Variants in EPHA6 observed in about 807,000 individuals in gnomAD.
The protein encoded by EPHA6 is EPH receptor A6, also known as ephrin type-A receptor 6.
EPHA6 carries 50 observed loss-of-function variants against 112.0 expected under a neutral mutation model. The ratio of observed to expected loss-of-function variants is 0.45; its 90% CI spans 0.36 to 0.56. EPHA6 has a LOEUF of 0.56. Among genes scored for constraint, EPHA6 ranks in the 20% least tolerant of loss-of-function variants. The pLI is 0.00. For synonymous variants in EPHA6, 529 were observed against 490.7 expected, an observed-to-expected ratio of 1.08 and a Z score of -1.03; for missense variants, 1,280 against 1,417.4, an observed-to-expected ratio of 0.90 and a Z score of 1.56.
At chr3:97,714,491 A>G in intron 14 of EPHA6, among the ~76,000 whole-genome samples, 1 of 152,240 alleles carries the variant, frequency 6.6e-6, no homozygotes, top group East Asian at 1.9e-4. Flanking sequence ...AAGGAGGAAT[A>G]CACATGCCTC....
At chr3:97,007,010 G>A (rs1030166280) in intron 3 of EPHA6, among the ~76,000 whole-genome samples, 1 of 152,114 alleles carries the variant, frequency 6.6e-6, no homozygotes, top group African/African-American at 2.4e-5. Context: ...GCTGAGGAGT[G>A]TTTTACTTCC....
intron 5 of EPHA6, among the ~76,000 whole-genome samples, chr3:97,307,519 G>T (rs143116549): frequency 2.6e-5 from 4 of 151,598 alleles, no homozygotes; most frequent in African/African-American, 7.2e-5. Context: ...GTACTTAGCT[G>T]TCATATGAGC....
intron 3 of EPHA6, among the ~76,000 whole-genome samples, chr3:97,108,646 A>G (rs1276487369): frequency 6.6e-6 from 1 of 152,158 alleles, no homozygotes; most frequent in Admixed American, 6.6e-5. Context: ...CTACTGCTTG[A>G]GAAGATACAG....
intron 1 of EPHA6, among the ~76,000 whole-genome samples, chr3:96,828,619 G>A (rs1207886255): frequency 6.6e-6 from 1 of 152,022 alleles, no homozygotes; most frequent in Non-Finnish European, 1.5e-5. Context: ...TCAGATATTC[G>A]ACCATGGTTT....
At chr3:97,113,033 T>G (rs2047770870) in intron 3 of EPHA6, among the ~76,000 whole-genome samples, 1 of 152,150 alleles carries the variant, frequency 6.6e-6, no homozygotes, top group Admixed American at 6.6e-5. Context: ...TTTTAGTTAC[T>G]CATTTCACAG....
At chr3:97,268,237 G>A (rs559396182) in intron 5 of EPHA6, among the ~76,000 whole-genome samples, 35 of 152,204 alleles carry the variant, frequency 2.3e-4, no homozygotes, top group South Asian at 6.2e-4. Context: ...TTCTAATGAA[G>A]CAAACTTCTG....
chr3:97,623,548 T>C (rs1477865556), intron 13 of EPHA6, among the ~76,000 whole-genome samples: 1 of 151,692 alleles, frequency 6.6e-6, no homozygotes, highest in African/African-American at 2.4e-5. Flanking sequence ...CCTTCTAAGA[T>C]GGCATTTTCT....
At chr3:97,389,894 G>C (rs762509811) in intron 5 of EPHA6, among the ~76,000 whole-genome samples, 1 of 152,134 alleles carries the variant, frequency 6.6e-6, no homozygotes, top group Non-Finnish European at 1.5e-5. Flanking sequence ...TGAAGCTACT[G>C]TGAGAACATG....
intron 2 of EPHA6, among the ~76,000 whole-genome samples, chr3:96,935,008 A>T (rs988694259): frequency 2.0e-5 from 3 of 151,810 alleles, no homozygotes; most frequent in Non-Finnish European, 4.4e-5. Context: ...TAATATAAAG[A>T]TTCAAATATT....
At chr3:97,466,122 G>T (rs1379599016) in intron 7 of EPHA6, 10 of 500,114 alleles carry the variant, frequency 2.0e-5, no homozygotes, top group Non-Finnish European at 3.7e-5. Context: ...ACATGTGTTA[G>T]TCTTTCTGTA....
intron 14 of EPHA6, chr3:97,646,238 G>A (rs1490486021): frequency 6.5e-7 from 1 of 1,535,552 alleles, no homozygotes. Context: ...TCATGTGGAA[G>A]AGAAACAGAA....
chr3:97,153,771 T>A (rs1026865356), intron 3 of EPHA6, among the ~76,000 whole-genome samples: 3 of 152,190 alleles, frequency 2.0e-5, no homozygotes, highest in Non-Finnish European at 4.4e-5. Context: ...AACTTTTATA[T>A]GAAGCAATAC....
At chr3:97,232,258 T>C (rs2078550863) in intron 4 of EPHA6, among the ~76,000 whole-genome samples, 1 of 152,204 alleles carries the variant, frequency 6.6e-6, no homozygotes, top group Non-Finnish European at 1.5e-5. Context: ...AATGAGTTAA[T>C]ATTTGAAAAG....
chr3:97,560,931 A>C (rs1205286111), intron 11 of EPHA6, among the ~76,000 whole-genome samples: 2 of 151,898 alleles, frequency 1.3e-5, no homozygotes, highest in Non-Finnish European at 2.9e-5. Context: ...GCAATATTTA[A>C]TTTTTTATTA....
Position 97,491,682 on chromosome 3 carries a change from G to T in EPHA6, c.2200+7623G>T, listed in dbSNP as rs567108456. Among the ~76,000 whole-genome samples the T allele has an allele frequency of 7.2e-4, 108 of 150,374 alleles. 5 individuals carry two copies. The South Asian group carries it at 0.021, about 30-fold the overall frequency. ...GTGCTGAGATGGCCTTGTGTATAGG[G>T]TATCCAGGGTTTTTAGGTCTCATTG... is the stretch of plus-strand genomic sequence containing the variant. On this transcript the variant is annotated intron_variant, in intron 10 of 17. Transcript: ENST00000389672.
intron 3 of EPHA6, among the ~76,000 whole-genome samples, chr3:97,207,550 T>C (rs1440748518): frequency 6.6e-6 from 1 of 152,172 alleles, no homozygotes; most frequent in Non-Finnish European, 1.5e-5. Context: ...TATAATATGT[T>C]CCAATTTATG....
chr3:96,972,266 T>G (rs2042342987), intron 2 of EPHA6, among the ~76,000 whole-genome samples: 1 of 152,144 alleles, frequency 6.6e-6, no homozygotes, highest in Non-Finnish European at 1.5e-5. Context: ...ATTTATGTCC[T>G]TTTTAGTCTA....
chr3:97,018,198 T>A (rs555520037), intron 3 of EPHA6, among the ~76,000 whole-genome samples: 22 of 152,126 alleles, frequency 1.4e-4, no homozygotes, highest in African/African-American at 5.3e-4. Context: ...TCTTCTCTTT[T>A]TCTGTCTCCC....
At chr3:97,626,794 A>G (rs2093860789) in intron 13 of EPHA6, among the ~76,000 whole-genome samples, 1 of 151,780 alleles carries the variant, frequency 6.6e-6, no homozygotes, top group African/African-American at 2.4e-5. Flanking sequence ...CACCACAGGA[A>G]TTGGCAAATG....
Sources: allele counts gnomAD v4.1 joint callset (sites outside exome capture counted in the v4.1 genomes callset), GRCh38; gene constraint gnomAD v4.1.1; transcripts MANE v1.5; gene names NCBI Gene and HGNC (gene_info 2026-07-23, HGNC 2026-07-21).